The following MKLN1 variants were observed in gnomAD, a reference collection of about 807,000 sequenced individuals.
MKLN1 encodes the protein muskelin 1.
In MKLN1, 18 loss-of-function variants were observed where a neutral mutation model predicts 99.0. The ratio of observed to expected loss-of-function variants is 0.18; its 90% CI spans 0.13 to 0.27. The LOEUF is 0.27. Ranked by LOEUF, MKLN1 falls within the 10% of genes least tolerant of loss-of-function variation. The pLI, the probability that MKLN1 is intolerant of heterozygous loss-of-function variation, is 1.00. For missense variants in MKLN1, 621 were observed against 875.9 expected (o/e 0.71, Z 3.67); for synonymous variants, 288 against 293.2 (o/e 0.98, Z 0.18).
chr7:131,159,137 A>G (rs1796011004), intron 2 of MKLN1, among the ~76,000 whole-genome samples: 1 of 152,150 alleles, frequency 6.6e-6, no homozygotes, highest in East Asian at 1.9e-4. Context: ...AGGTTGCAGT[A>G]AGCCGAGATC....
At chr7:131,394,593 T>C (rs901449457) in intron 4 of MKLN1, among the ~76,000 whole-genome samples, 1 of 152,006 alleles carries the variant, frequency 6.6e-6, no homozygotes, top group Non-Finnish European at 1.5e-5. Context: ...TCTGGGTTCC[T>C]AACAGGCCAG....
chr7:131,331,070 T>C (rs1799059669), intron 1 of MKLN1, among the ~76,000 whole-genome samples: 3 of 152,354 alleles, frequency 2.0e-5, no homozygotes, highest in East Asian at 3.9e-4. Context: ...CAAATGTTTA[T>C]TTTTGTATCT....
At chr7:131,370,893 C>T (rs1214023526) in intron 1 of MKLN1, among the ~76,000 whole-genome samples, 1 of 152,106 alleles carries the variant, frequency 6.6e-6, no homozygotes, top group Admixed American at 6.5e-5. Flanking sequence ...ACCTGGTGGG[C>T]TCAGGAGAGT....
intron 3 of MKLN1, among the ~76,000 whole-genome samples, chr7:131,300,792 A>G (rs1252453307): frequency 6.6e-6 from 1 of 152,048 alleles, no homozygotes; most frequent in East Asian, 1.9e-4. Flanking sequence ...TGAAATACTG[A>G]TTAGCCACTG....
At chr7:131,313,723 C>T (rs1230579825) in intron 3 of MKLN1, among the ~76,000 whole-genome samples, 1 of 152,232 alleles carries the variant, frequency 6.6e-6, no homozygotes, top group Non-Finnish European at 1.5e-5. Context: ...AGACCTATTT[C>T]ACTTAGATAA....
intron 3 of MKLN1, among the ~76,000 whole-genome samples, chr7:131,279,005 G>T (rs1047753906): frequency 2.0e-5 from 3 of 152,198 alleles, no homozygotes; most frequent in African/African-American, 4.8e-5. Context: ...AATGAAGATT[G>T]AGAGAGATTA....
chr7:131,426,850 G>A (rs913380294), intron 8 of MKLN1, among the ~76,000 whole-genome samples: 3 of 151,900 alleles, frequency 2.0e-5, no homozygotes, highest in African/African-American at 4.8e-5. Context: ...CACCTCCTGA[G>A]TTCAAGTGAT....
chr7:131,145,313 G>C (rs1470921848), intron 2 of MKLN1, among the ~76,000 whole-genome samples: 2 of 152,294 alleles, frequency 1.3e-5, no homozygotes, highest in East Asian at 3.9e-4. Context: ...TGGGGGCGAG[G>C]TGGCTTACAG....
intron 3 of MKLN1, among the ~76,000 whole-genome samples, chr7:131,267,783 G>C (rs1002834188): frequency 6.6e-6 from 1 of 152,114 alleles, no homozygotes; most frequent in Non-Finnish European, 1.5e-5. Context: ...CTTGAAGAAA[G>C]ACTTAATTTT....
intron 2 of MKLN1, among the ~76,000 whole-genome samples, chr7:131,144,095 T>C (rs183873107): frequency 2.2e-4 from 34 of 152,314 alleles, no homozygotes; most frequent in East Asian, 7.7e-4. Flanking sequence ...GGCAGGCAAT[T>C]TTTTTGTTCA....
chr7:131,370,118 G>A (rs1204742957), intron 1 of MKLN1, among the ~76,000 whole-genome samples: 1 of 152,230 alleles, frequency 6.6e-6, no homozygotes, highest in Non-Finnish European at 1.5e-5. Flanking sequence ...GATTACAGGC[G>A]TGAGCCACGG....
At chr7:131,228,437 A>G (rs548154890) in intron 3 of MKLN1, among the ~76,000 whole-genome samples, 2 of 152,180 alleles carry the variant, frequency 1.3e-5, no homozygotes, top group Admixed American at 6.5e-5. Context: ...GTCAACATTT[A>G]AAAAATAGCT....
chr7:131,345,570 C>T (rs893374304), intron 1 of MKLN1, among the ~76,000 whole-genome samples: 3 of 151,988 alleles, frequency 2.0e-5, no homozygotes, highest in Non-Finnish European at 2.9e-5. Context: ...TTAAATTAGT[C>T]GGGTGTGGTG....
chr7:131,391,298 CAT>C (rs1162943236), intron 4 of MKLN1, among the ~76,000 whole-genome samples: 3 of 152,084 alleles, frequency 2.0e-5, no homozygotes, highest in Non-Finnish European at 4.4e-5. Flanking sequence ...TCTATAGTGA[CAT>C]GTTTGAAAGA....
chr7:131,475,903 T>C (rs1161776975), intron 16 of MKLN1, among the ~76,000 whole-genome samples: 1 of 152,142 alleles, frequency 6.6e-6, no homozygotes, highest in East Asian at 1.9e-4. Flanking sequence ...AAATGTAAAA[T>C]TCTTAGGAAA....
At chr7:131,319,422 T>G (rs1285916517) in intron 3 of MKLN1, among the ~76,000 whole-genome samples, 2 of 152,216 alleles carry the variant, frequency 1.3e-5, no homozygotes, top group African/African-American at 4.8e-5. Flanking sequence ...CTCAATAAAC[T>G]AGGTATTGAT....
intron 3 of MKLN1, among the ~76,000 whole-genome samples, chr7:131,268,230 C>T (rs1461807501): frequency 6.6e-6 from 1 of 152,168 alleles, no homozygotes; most frequent in African/African-American, 2.4e-5. Context: ...ACTCCAGAAT[C>T]CTGCAAAATT....
At position 131,491,820 on chromosome 7, in the gene MKLN1, T is replaced by C. The variant is rs1455572401; in HGVS notation, c.*4092T>C. The C allele has an allele frequency of 3.9e-5, 6 of 152,638 alleles. No homozygotes were observed. The highest frequency in any genetic ancestry group is 7.3e-5 in the Non-Finnish European group (5 of 68,034). The allele number at this position is 152,638 out of a possible 1,614,324, so 9.5% of individuals were successfully genotyped here. A position where few individuals can be genotyped will look rare whatever the true frequency, so the allele number is the denominator to read the frequency against. On this transcript the variant is annotated 3_prime_UTR_variant, in exon 18 of 18. Transcript: ENST00000352689. ...CCAAATACTGTGAATTGTTTTTCCA[T>C]TTATTTTTCTTAGCTAATGTAACTT...
Position 131,142,886 on chromosome 7 carries a change from T to A in MKLN1, c.-352T>A, listed in dbSNP as rs1239850591. On this transcript the variant is annotated 5_prime_UTR_variant, in exon 2 of 8. Transcript: ENST00000416992. Reference sequence around the variant, plus strand: ...CAAACATTCCATCCTCCTGACTCCATAAACTATTGGATTCATAACCTGCTC... The same window carrying A: ...CAAACATTCCATCCTCCTGACTCCAAAAACTATTGGATTCATAACCTGCTC... 3.1e-6 allele frequency: 4 copies of A among 1,303,216 alleles called. No homozygotes were observed. In the African/African-American group the frequency reaches 6.1e-5, roughly 20 times the overall value. The allele number at this position is 1,303,216 out of a possible 1,614,324, so 80.7% of individuals were successfully genotyped here.
Sources: gnomAD v4.1 joint callset for allele counts (sites outside exome capture counted in the v4.1 genomes callset) on GRCh38, gnomAD v4.1.1 for gene constraint, MANE v1.5 for transcripts, NCBI Gene and HGNC (gene_info 2026-07-23, HGNC 2026-07-21) for gene names.